The following CACNA1E variants were observed in gnomAD, a reference collection of about 807,000 sequenced individuals.
CACNA1E encodes voltage-dependent R-type calcium channel subunit alpha-1E.
Under a neutral mutation model 259.2 loss-of-function variants are expected in CACNA1E, and 40 were observed. The observed-to-expected ratio is 0.15, with a 90% CI of 0.12 to 0.20. CACNA1E has a LOEUF of 0.20. CACNA1E is among the 10% of genes least tolerant of loss of function. CACNA1E has a pLI of 1.00. For missense variants in CACNA1E, 1,874 were observed against 3,040.1 expected, an observed-to-expected ratio of 0.62 and a Z score of 9.02; for synonymous variants, 1,104 against 1,138.5, an observed-to-expected ratio of 0.97 and a Z score of 0.61.
intron 19 of CACNA1E, among the ~76,000 whole-genome samples, chr1:181,731,484 A>G (rs1186006865): frequency 6.6e-6 from 1 of 152,030 alleles, no homozygotes; most frequent in Non-Finnish European, 1.5e-5. Flanking sequence ...GAGTGGGTAT[A>G]TGTTGTGTTA....
chr1:181,733,126 C>T (rs1003280551), intron 20 of CACNA1E, 92 bp downstream of exon 20: 6 of 1,424,166 alleles, frequency 4.2e-6, no homozygotes. Context: ...AGTTTCTTCT[C>T]CTATTATAAA....
intron 2 of CACNA1E, among the ~76,000 whole-genome samples, chr1:181,446,733 G>C (rs1414859967): frequency 1.3e-5 from 2 of 152,118 alleles, no homozygotes; most frequent in East Asian, 1.9e-4. Context: ...TCTGGTTGTA[G>C]AGCAGATTTT....
At chr1:181,737,489 G>A (rs1426324650) in intron 22 of CACNA1E, 36 bp from the exon 23 acceptor site, 1 of 1,611,430 alleles carries the variant, frequency 6.2e-7, no homozygotes, top group Admixed American at 1.7e-5. Flanking sequence ...GGCGTGGTGG[G>A]GAGTGGGCCA....
chr1:181,575,585 A>G (rs16857703), intron 3 of CACNA1E, among the ~76,000 whole-genome samples: 21,105 of 152,128 alleles, frequency 0.14, 1,896 homozygotes, highest in African/African-American at 0.25. Flanking sequence ...TTCTGCCTCT[A>G]TCACCATGTT....
At chr1:181,484,132 G>C in intron 1 of CACNA1E, 122 bp downstream of exon 1, 1 of 993,132 alleles carries the variant, frequency 1.0e-6, no homozygotes, top group Non-Finnish European at 1.6e-6. Context: ...CTTTGCTGAA[G>C]CACACTCTTC....
intron 3 of CACNA1E, among the ~76,000 whole-genome samples, chr1:181,550,975 G>C (rs1214231623): frequency 6.6e-6 from 1 of 152,086 alleles, no homozygotes; most frequent in Admixed American, 6.5e-5. Context: ...CGCTGTATCA[G>C]CGCCAAACAC....
intron 6 of CACNA1E, among the ~76,000 whole-genome samples, chr1:181,583,260 AC>A (rs1651731732): frequency 6.6e-6 from 1 of 152,158 alleles, no homozygotes; most frequent in Non-Finnish European, 1.5e-5. Context: ...AAAATGACTC[AC>A]TAAGCATCAC....
intron 3 of CACNA1E, among the ~76,000 whole-genome samples, chr1:181,540,494 A>G (rs1038898775): frequency 6.6e-6 from 1 of 152,218 alleles, no homozygotes; most frequent in Non-Finnish European, 1.5e-5. Context: ...GGTTTAGAAT[A>G]TGCTCCCCAA....
chr1:181,619,460 T>C (rs1655529793), intron 6 of CACNA1E, among the ~76,000 whole-genome samples: 1 of 152,150 alleles, frequency 6.6e-6, no homozygotes, highest in African/African-American at 2.4e-5. Flanking sequence ...CTGTAGGTCA[T>C]GATGAGACTT....
chr1:181,593,544 T>G (rs906124483), intron 6 of CACNA1E, among the ~76,000 whole-genome samples: 1 of 152,176 alleles, frequency 6.6e-6, no homozygotes, highest in Non-Finnish European at 1.5e-5. Context: ...GTTTCAGAAC[T>G]TTTTTTCTTT....
intron 27 of CACNA1E, among the ~76,000 whole-genome samples, chr1:181,754,283 C>T (rs545315710): frequency 3.3e-5 from 5 of 150,552 alleles, no homozygotes; most frequent in South Asian, 2.2e-4. Flanking sequence ...CTGAGAGAGA[C>T]GTAGGTGGCT....
chr1:181,513,778 G>T (rs1666342116), intron 3 of CACNA1E, among the ~76,000 whole-genome samples: 1 of 152,220 alleles, frequency 6.6e-6, no homozygotes, highest in Non-Finnish European at 1.5e-5. Flanking sequence ...CTGGGTCCTT[G>T]CCTGCATGTC....
At chr1:181,536,083 A>G (rs1054648450) in intron 3 of CACNA1E, among the ~76,000 whole-genome samples, 3 of 152,116 alleles carry the variant, frequency 2.0e-5, no homozygotes, top group African/African-American at 4.8e-5. Context: ...TTTCACTAAT[A>G]TGTGTCTTAT....
chr1:181,797,563 AC>A (rs1472307207), intron 47 of CACNA1E, among the ~76,000 whole-genome samples: 1 of 152,214 alleles, frequency 6.6e-6, no homozygotes, highest in East Asian at 1.9e-4. Flanking sequence ...AACAGCATTA[AC>A]CCATGAGGTT....
At chr1:181,447,090 A>C (rs541759547) in intron 2 of CACNA1E, among the ~76,000 whole-genome samples, 1 of 152,152 alleles carries the variant, frequency 6.6e-6, no homozygotes, top group Non-Finnish European at 1.5e-5. Flanking sequence ...CTACCAGGAG[A>C]AAAGGGTGCC....
At chr1:181,604,705 T>C (rs1179536056) in intron 6 of CACNA1E, among the ~76,000 whole-genome samples, 1 of 152,226 alleles carries the variant, frequency 6.6e-6, no homozygotes, top group Non-Finnish European at 1.5e-5. Context: ...CACTTTGCCC[T>C]ATTTTAACCT....
intron 39 of CACNA1E, among the ~76,000 whole-genome samples, chr1:181,782,793 C>T (rs949376025): frequency 2.6e-5 from 4 of 152,136 alleles, no homozygotes; most frequent in Non-Finnish European, 5.9e-5. Flanking sequence ...TTTTTGCTCA[C>T]GATGGCCACA....
chr1:181,693,684 G>T (rs1387629611), intron 7 of CACNA1E, among the ~76,000 whole-genome samples: 1 of 151,990 alleles, frequency 6.6e-6, no homozygotes, highest in African/African-American at 2.4e-5. Context: ...AAACTGTTGG[G>T]CACTATAGTC....
At chr1:181,561,921 G>T (rs996918090) in intron 3 of CACNA1E, among the ~76,000 whole-genome samples, 1 of 152,076 alleles carries the variant, frequency 6.6e-6, no homozygotes, top group African/African-American at 2.4e-5. Context: ...TTTTGGTTTG[G>T]TTTGTTTTTA....
Sources: allele counts gnomAD v4.1 joint callset (sites outside exome capture counted in the v4.1 genomes callset), GRCh38; gene constraint gnomAD v4.1.1; transcripts MANE v1.5; gene names NCBI Gene and HGNC (gene_info 2026-07-23, HGNC 2026-07-21).